ANKRD36: variants seen among roughly 807,000 people sequenced by gnomAD.
ANKRD36 encodes the protein ankyrin repeat domain-containing protein 36A.
ANKRD36 carries 179 observed loss-of-function variants against 278.1 expected under a neutral mutation model. That is an observed-to-expected ratio of 0.64 (90% CI 0.57 to 0.73). ANKRD36 has a LOEUF of 0.73. ANKRD36 is among the 30% of genes least tolerant of loss of function. The probability of loss-of-function intolerance (pLI) is 0.00; values close to 1 mark genes in which losing one functional copy is unlikely to be tolerated. For missense variants in ANKRD36, 1,159 were observed against 1,956.7 expected, an observed-to-expected ratio of 0.59 and a Z score of 7.69; for synonymous variants, 320 against 641.1, an observed-to-expected ratio of 0.50 and a Z score of 7.57.
chr2:97,243,117 T>C (rs1006268215), intron 69 of ANKRD36, among the ~76,000 whole-genome samples: 2 of 138,590 alleles, frequency 1.4e-5, no homozygotes, highest in Non-Finnish European at 3.2e-5. Flanking sequence ...GAGCCAAATA[T>C]GAGTGACCGT....
Position 97,183,531 on chromosome 2 carries a change from C to T in ANKRD36, c.1866+44C>T, listed in dbSNP as rs755007074. On this transcript the variant is annotated intron_variant, in intron 27 of 75. Coordinates refer to ENST00000420699, the MANE Select transcript of ANKRD36 (RefSeq NM_001354587.1). Reference sequence around the variant, plus strand: ...ATATTTTGAATTATTTATTTTATAGCCTATGAAATATGTATTATATATTGA... The same window carrying T: ...ATATTTTGAATTATTTATTTTATAGTCTATGAAATATGTATTATATATTGA... 1.9e-6 allele frequency: 3 copies of T among 1,550,366 alleles called. No individual in the cohort carries two copies. In the South Asian group the frequency reaches 3.6e-5, roughly 19 times the overall value.
In ANKRD36 at chr2:97,192,121, G is replaced by C. The variant is rs1442986463; in HGVS notation, c.2348-737G>C. On this transcript the variant is annotated intron_variant, in intron 36 of 75. Coordinates refer to ENST00000420699, the MANE Select transcript of ANKRD36 (RefSeq NM_001354587.1). ...AACTTAATAATATCTAATGCTAGTA[G>C]CAGTTTTACTCTGTAGAATATGTCA... 2.6e-5 allele frequency among the ~76,000 whole-genome samples: 4 copies of C among 151,642 alleles called. No individual in the cohort carries two copies. The Admixed American group carries it at 2.6e-4, about 10-fold the overall frequency.
intron 14 of ANKRD36, among the ~76,000 whole-genome samples, chr2:97,152,830 T>C (rs2046412762): frequency 2.0e-5 from 3 of 147,658 alleles, no homozygotes; most frequent in Non-Finnish European, 4.6e-5. Context: ...CCCCTAAGCA[T>C]AGATGGATAG....
chr2:97,197,091 TA>T (rs2059984273), intron 42 of ANKRD36, among the ~76,000 whole-genome samples: 1 of 151,916 alleles, frequency 6.6e-6, no homozygotes, highest in African/African-American at 2.4e-5. Flanking sequence ...TTGTTTTCAG[TA>T]AGGGTGGAAG....
intron 64 of ANKRD36, among the ~76,000 whole-genome samples, chr2:97,218,802 T>C (rs1290264119): frequency 5.9e-5 from 9 of 151,922 alleles, no homozygotes; most frequent in African/African-American, 2.2e-4. Flanking sequence ...ATTAACACTT[T>C]TTTTTAGCAA....
At position 97,193,085 on chromosome 2, in the gene ANKRD36, C is replaced by T. The variant is rs747650933; in HGVS notation, c.2449+32C>T. On this transcript the variant is annotated intron_variant, in intron 38 of 75. Transcript: ENST00000420699. The stretch of plus-strand genomic sequence containing the variant: ...TTGAAAAGAGATTTAATGTCATGTT[C>T]AGTGCAGATAGATAAGAAGTTCTCT... 59 of 1,502,046 alleles carry T rather than the reference C, an allele frequency of 3.9e-5. 1 individual carries two copies. The highest frequency in any genetic ancestry group is 5.0e-5 in the Non-Finnish European group (56 of 1,112,962). 93.0% of individuals were successfully genotyped at this position (1,502,046 alleles called of 1,614,324 possible). A position where few individuals can be genotyped will look rare whatever the true frequency, so the allele number is the denominator to read the frequency against.
chr2:97,204,373 A>T, intron 50 of ANKRD36, 110 bp downstream of exon 50: 1 of 1,298,330 alleles, frequency 7.7e-7, no homozygotes, highest in Non-Finnish European at 1.0e-6. Flanking sequence ...CTGATTCAGC[A>T]GTCCTGAGAT....
intron 22 of ANKRD36, among the ~76,000 whole-genome samples, chr2:97,173,128 A>G (rs1309113445): frequency 6.6e-6 from 1 of 151,698 alleles, no homozygotes; most frequent in Non-Finnish European, 1.5e-5. Flanking sequence ...TAGTTAAAGA[A>G]GTTTCTAAAT....
intron 67 of ANKRD36, among the ~76,000 whole-genome samples, chr2:97,226,365 C>G (rs1246235156): frequency 1.3e-5 from 2 of 151,878 alleles, no homozygotes; most frequent in Non-Finnish European, 2.9e-5. Flanking sequence ...TTGCATTTCT[C>G]TGATGGCCAG....
intron 22 of ANKRD36, among the ~76,000 whole-genome samples, chr2:97,178,392 G>A (rs547373013): frequency 8.6e-5 from 13 of 151,818 alleles, no homozygotes; most frequent in African/African-American, 2.2e-4. Context: ...TGCTTATTAC[G>A]GCATTATTCA....
chr2:97,231,951 A>G (rs1166954388), intron 67 of ANKRD36, among the ~76,000 whole-genome samples: 1 of 152,092 alleles, frequency 6.6e-6, no homozygotes, highest in African/African-American at 2.4e-5. Context: ...ACCACAAGTC[A>G]TCTCCTAATT....
chr2:97,219,694 T>A (rs2066889798), intron 66 of ANKRD36, among the ~76,000 whole-genome samples: 1 of 138,962 alleles, frequency 7.2e-6, no homozygotes, highest in Non-Finnish European at 1.5e-5. Flanking sequence ...TTGGTCAGGC[T>A]GGTCTTGAGC....
At chr2:97,159,490 G>A (rs1383491860) in intron 17 of ANKRD36, among the ~76,000 whole-genome samples, 3 of 151,678 alleles carry the variant, frequency 2.0e-5, no homozygotes, top group Non-Finnish European at 4.4e-5. Flanking sequence ...TTTCAGTAAA[G>A]TGATGTCTTA....
chr2:97,208,704 T>G (rs1164468313), intron 54 of ANKRD36, among the ~76,000 whole-genome samples: 1 of 146,596 alleles, frequency 6.8e-6, no homozygotes, highest in Non-Finnish European at 1.5e-5. Flanking sequence ...TTGTTGATTT[T>G]AGTTATAAAA....
At chr2:97,224,436 G>GTTTTTTTTTTTT (rs1457069314) in intron 66 of ANKRD36, among the ~76,000 whole-genome samples, 1 of 142,474 alleles carries the variant, frequency 7.0e-6, no homozygotes. Flanking sequence ...CTATCGTTTT[G>GTTTTTTTTTTTT]TTTTTTTGTT....
intron 44 of ANKRD36, among the ~76,000 whole-genome samples, 187 bp downstream of exon 44, chr2:97,198,845 A>G (rs1304132591): frequency 1.3e-5 from 2 of 151,734 alleles, no homozygotes; most frequent in Non-Finnish European, 2.9e-5. Flanking sequence ...CTTCGCAGTA[A>G]GATTATACAC....
intron 48 of ANKRD36, among the ~76,000 whole-genome samples, chr2:97,203,339 A>G (rs1449518498): frequency 6.6e-6 from 1 of 151,864 alleles, no homozygotes; most frequent in Non-Finnish European, 1.5e-5. Context: ...TAGCAGTTTC[A>G]CTTTGTATGT....
intron 30 of ANKRD36, among the ~76,000 whole-genome samples, chr2:97,186,287 T>C (rs1023586782): frequency 6.6e-5 from 10 of 151,270 alleles, no homozygotes; most frequent in African/African-American, 2.4e-4. Flanking sequence ...ACGGATAAAA[T>C]AGCTATTTAA....
In ANKRD36 at chr2:97,194,447, C is replaced by T. The variant is rs566713683; in HGVS notation, c.2450-279C>T. On this transcript the variant is annotated intron_variant, in intron 38 of 75. Coordinates refer to ENST00000420699, the MANE Select transcript of ANKRD36 (RefSeq NM_001354587.1). ...TTAGATCACATTTGTCCTCATCACT[C>T]GGCATATCCACATTGGGATTGACAC... 5.3e-5 allele frequency among the ~76,000 whole-genome samples: 8 copies of T among 151,704 alleles called. 1 individual carries two copies. The highest frequency in any genetic ancestry group is 3.9e-4 in the East Asian group (2 of 5,078).
Sources: allele counts gnomAD v4.1 joint callset (sites outside exome capture counted in the v4.1 genomes callset), GRCh38; gene constraint gnomAD v4.1.1; transcripts MANE v1.5; gene names NCBI Gene and HGNC (gene_info 2026-07-23, HGNC 2026-07-21).